The following VPS13B variants were observed in gnomAD, a reference collection of about 807,000 sequenced individuals.
VPS13B encodes the protein intermembrane lipid transfer protein VPS13B.
Under a neutral mutation model 426.4 loss-of-function variants are expected in VPS13B, and 285 were observed. The ratio of observed to expected loss-of-function variants is 0.67; its 90% confidence interval spans 0.61 to 0.74. The LOEUF is 0.74. Ranked by LOEUF, VPS13B falls within the 30% of genes least tolerant of loss-of-function variation. The pLI is 0.00. For synonymous variants in VPS13B, 1,676 were observed against 1,676.4 expected, an observed-to-expected ratio of 1.00 and a Z score of 0.01; for missense variants, 4,537 against 4,782.6, an observed-to-expected ratio of 0.95 and a Z score of 1.51.
Position 99,817,578 on chromosome 8 carries a change from G to T in VPS13B, c.8136G>T (p.Leu2712Phe). The T allele has an allele frequency of 6.2e-7, 1 of 1,613,964 alleles. No homozygotes were observed. Among genetic ancestry groups the T allele is most frequent in the Non-Finnish European group, 8.5e-7 (1 of 1,179,966 alleles). ...GAAGACAGATCATCTGTAGTTACTT[G>T]TCTCAAAGCATAGAACTAAAAGTCG... ...ICGRQIICSY[L>F]SQSIELKVVQ... The change falls in exon 45 of 62, where the codon TTG becomes TTT. Residue 2712 changes from leucine (L) to phenylalanine (F), a missense_variant. Transcript: ENST00000357162.
chr8:99,084,016 A>C, intron 3 of VPS13B, among the ~76,000 whole-genome samples: 1 of 152,210 alleles, frequency 6.6e-6, no homozygotes. Flanking sequence ...TGATTGGAAT[A>C]GTTTCAGAAG....
intron 25 of VPS13B, among the ~76,000 whole-genome samples, 196 bp downstream of exon 25, chr8:99,481,998 C>T (rs542305156): frequency 6.6e-6 from 1 of 152,110 alleles, no homozygotes; most frequent in African/African-American, 2.4e-5. Flanking sequence ...CTTTTAGCAG[C>T]TTATGGGGTA....
intron 19 of VPS13B, among the ~76,000 whole-genome samples, chr8:99,295,688 A>G (rs775823067): frequency 6.6e-6 from 1 of 152,120 alleles, no homozygotes; most frequent in Non-Finnish European, 1.5e-5. Context: ...ATCACAAGAG[A>G]GTAGCATACT....
intron 17 of VPS13B, among the ~76,000 whole-genome samples, chr8:99,247,978 T>C (rs1298045348): frequency 2.0e-5 from 3 of 152,180 alleles, no homozygotes; most frequent in Non-Finnish European, 4.4e-5. Context: ...ACATACACTG[T>C]TCCTAAGTGC....
At chr8:99,346,966 A>T (rs1485977832) in intron 19 of VPS13B, 1 of 153,118 alleles carries the variant, frequency 6.5e-6, no homozygotes, top group African/African-American at 2.4e-5. Flanking sequence ...TTCCTCTTGT[A>T]GGAGGTGAAG....
At chr8:99,281,359 A>T (rs1348902615) in intron 19 of VPS13B, among the ~76,000 whole-genome samples, 5 of 152,236 alleles carry the variant, frequency 3.3e-5, no homozygotes, top group Admixed American at 2.6e-4. Flanking sequence ...TTGTTTTTGC[A>T]CTTCTTGCGA....
At chr8:99,409,756 C>A (rs767755344) in intron 21 of VPS13B, among the ~76,000 whole-genome samples, 2 of 152,040 alleles carry the variant, frequency 1.3e-5, no homozygotes, top group Non-Finnish European at 2.9e-5. Context: ...TACATGCTGG[C>A]GTCATAATAG....
chr8:99,162,782 C>T (rs574650643), intron 15 of VPS13B, among the ~76,000 whole-genome samples: 3 of 152,130 alleles, frequency 2.0e-5, no homozygotes, highest in South Asian at 2.1e-4. Flanking sequence ...TTGCAAAGAG[C>T]GAAAGAACAA....
chr8:99,231,645 C>G (rs916331860), intron 17 of VPS13B, among the ~76,000 whole-genome samples: 9 of 152,044 alleles, frequency 5.9e-5, no homozygotes, highest in Non-Finnish European at 1.2e-4. Flanking sequence ...TTTTTTCCAA[C>G]TCATTTTTAT....
intron 17 of VPS13B, among the ~76,000 whole-genome samples, chr8:99,226,812 C>G (rs939442412): frequency 6.6e-6 from 1 of 152,074 alleles, no homozygotes; most frequent in Non-Finnish European, 1.5e-5. Flanking sequence ...TTGTTGCATG[C>G]GTAAAATGGG....
intron 19 of VPS13B, among the ~76,000 whole-genome samples, chr8:99,367,060 T>C (rs1812930436): frequency 6.6e-6 from 1 of 152,224 alleles, no homozygotes; most frequent in African/African-American, 2.4e-5. Flanking sequence ...ATTACAGTAT[T>C]CTGTGTTTTT....
intron 19 of VPS13B, among the ~76,000 whole-genome samples, chr8:99,275,534 A>C (rs2133000370): frequency 6.6e-6 from 1 of 152,176 alleles, no homozygotes; most frequent in African/African-American, 2.4e-5. Context: ...CTGAGTTTTA[A>C]AATATAGCAT....
At chr8:99,609,769 C>A (rs1333593049) in intron 33 of VPS13B, among the ~76,000 whole-genome samples, 1 of 152,136 alleles carries the variant, frequency 6.6e-6, no homozygotes, top group Non-Finnish European at 1.5e-5. Flanking sequence ...TTAAATGAAA[C>A]TTACTTAGTT....
At chr8:99,401,296 A>G (rs534029237) in intron 21 of VPS13B, among the ~76,000 whole-genome samples, 3 of 152,264 alleles carry the variant, frequency 2.0e-5, no homozygotes, top group Admixed American at 6.5e-5. Flanking sequence ...TCTTTAATCC[A>G]TATTTTTGAG....
intron 39 of VPS13B, among the ~76,000 whole-genome samples, chr8:99,743,011 A>T (rs1167805096): frequency 1.3e-5 from 2 of 152,288 alleles, no homozygotes. Context: ...AAGGGTATTC[A>T]ATTAGGAAAA....
At chr8:99,472,226 T>C (rs1205704368) in intron 24 of VPS13B, among the ~76,000 whole-genome samples, 1 of 152,044 alleles carries the variant, frequency 6.6e-6, no homozygotes, top group South Asian at 2.1e-4. Flanking sequence ...ATTGAAGATA[T>C]AGAAGATATG....
At chr8:99,485,638 C>G (rs1276928169) in intron 25 of VPS13B, among the ~76,000 whole-genome samples, 4 of 152,078 alleles carry the variant, frequency 2.6e-5, no homozygotes, top group Non-Finnish European at 4.4e-5. Context: ...CACATATATT[C>G]TATATTTAAA....
intron 21 of VPS13B, among the ~76,000 whole-genome samples, chr8:99,410,146 G>T (rs1337584254): frequency 6.6e-6 from 1 of 152,024 alleles, no homozygotes; most frequent in African/African-American, 2.4e-5. Flanking sequence ...TTAAAAATTT[G>T]TTAAAAATAA....
At chr8:99,367,770 C>T (rs1812970345) in intron 19 of VPS13B, among the ~76,000 whole-genome samples, 1 of 152,228 alleles carries the variant, frequency 6.6e-6, no homozygotes, top group South Asian at 2.1e-4. Flanking sequence ...TCTCCTGCCT[C>T]AGTCTCCCGA....
Sources: gnomAD v4.1 joint callset for allele counts (sites outside exome capture counted in the v4.1 genomes callset) on GRCh38, gnomAD v4.1.1 for gene constraint, MANE v1.5 for transcripts, NCBI Gene and HGNC (gene_info 2026-07-23, HGNC 2026-07-21) for gene names.